Variants in NUAK2 observed in about 807,000 individuals in gnomAD.
The protein encoded by NUAK2 is NUAK family SNF1-like kinase 2.
A neutral mutation model predicts 29.8 loss-of-function variants in NUAK2; 20 were observed. The observed-to-expected ratio is 0.67, with a 90% confidence interval of 0.47 to 0.98. The LOEUF is 0.98. Among genes scored for constraint, NUAK2 ranks in the 50% least tolerant of loss-of-function variants. The pLI, the probability that NUAK2 is intolerant of heterozygous loss-of-function variation, is 0.00. For synonymous variants in NUAK2, 331 were observed against 342.6 expected (o/e 0.97, Z 0.37); for missense variants, 719 against 834.5 (o/e 0.86, Z 1.71).
At position 205,321,632 on chromosome 1, in the gene NUAK2, G is replaced by T. The variant is rs565132612; in HGVS notation, c.-4C>A. The T allele has an allele frequency of 8.7e-6, 14 of 1,607,158 alleles. No homozygotes were observed. Among genetic ancestry groups the T allele is most frequent in the Non-Finnish European group, 1.2e-5 (14 of 1,178,876 alleles). ...GCGCGAAAACCAGCGACTCCATGGCGAGCAGGAGGTGAGCAAGGGCGGCAG... is the reference window on the plus strand; with the variant it reads ...GCGCGAAAACCAGCGACTCCATGGCTAGCAGGAGGTGAGCAAGGGCGGCAG... On this transcript the variant is annotated 5_prime_UTR_variant, in exon 1 of 7. Coordinates refer to ENST00000367157, the MANE Select transcript of NUAK2 (RefSeq NM_030952.3).
At position 205,303,969 on chromosome 1, in the gene NUAK2, C is replaced by T; in HGVS notation, c.1368G>A (p.Glu456=). 1 of 1,613,938 alleles carries T rather than the reference C, an allele frequency of 6.2e-7. No individual in the cohort carries two copies. Among genetic ancestry groups the T allele is most frequent in the Non-Finnish European group, 8.5e-7 (1 of 1,179,982 alleles). The part of the protein sequence containing the change: ...KGILKKPRQR[E]SGYYSSPEPS... ...GCTCGGGAGAGGAGTAGTAGCCAGA[C>T]TCGCGCTGTCGGGGCTTCTTGAGAA... Residue 456 remains glutamate, a synonymous_variant, in exon 7 of 7, where the codon GAG becomes GAA. Transcript: ENST00000367157.
chr1:205,303,152 C>A lies in NUAK2; in HGVS notation c.*298G>T, dbSNP rs1462293612. 4.3e-6 allele frequency: 1 copy of A among 230,626 alleles called. No homozygotes were observed. The highest frequency in any genetic ancestry group is 8.5e-6 in the Non-Finnish European group (1 of 118,156). The allele number at this position is 230,626 out of a possible 1,614,324, so 14.3% of individuals were successfully genotyped here. A position where few individuals can be genotyped will look rare whatever the true frequency, so the allele number is the denominator to read the frequency against. On this transcript the variant is annotated 3_prime_UTR_variant, in exon 7 of 7. Transcript: ENST00000367157. ...CCCTGGGAGAGTTCTCTTTCCAGGT[C>A]TCTGTGGCCCCCCCATGTACACAAG... is the stretch of plus-strand genomic sequence containing the variant.
At chr1:205,307,639 G>A (rs1427273972) in intron 4 of NUAK2, among the ~76,000 whole-genome samples, 3 of 152,154 alleles carry the variant, frequency 2.0e-5, no homozygotes, top group Non-Finnish European at 4.4e-5. Flanking sequence ...ACTTCTCCAT[G>A]CCTAAATTTA....
Position 205,303,627 on chromosome 1 carries a change from G to A in NUAK2, c.1710C>T (p.Gly570=), listed in dbSNP as rs1303061839. 6.3e-7 allele frequency: 1 copy of A among 1,599,726 alleles called. No individual in the cohort carries two copies. Among genetic ancestry groups the A allele is most frequent in the East Asian group, 2.2e-5 (1 of 44,704 alleles). Residue 570 remains glycine (G), a synonymous_variant, in exon 7 of 7, where the codon GGC becomes GGT. Coordinates refer to ENST00000367157, the MANE Select transcript of NUAK2 (RefSeq NM_030952.3). Reference sequence around the variant, plus strand: ...CCGTGAGGTTGTCCACAGACACACAGCCCCGCAGTGGGGGCTCTGGGAGCC... The same window carrying A: ...CCGTGAGGTTGTCCACAGACACACAACCCCGCAGTGGGGGCTCTGGGAGCC... The part of the protein sequence containing the change: ...PERLPEPPLR[G]CVSVDNLTGL...
intron 1 of NUAK2, among the ~76,000 whole-genome samples, chr1:205,315,611 G>T (rs1445065469): frequency 6.6e-6 from 1 of 152,208 alleles, no homozygotes; most frequent in Non-Finnish European, 1.5e-5. Context: ...AGTGGCTCAT[G>T]CCTATAATCT....
rs1296652124 is a variant in NUAK2, at chr1:205,303,984, C to T, written c.1353G>A (p.Lys451=). Residue 451 remains lysine (K), a synonymous_variant, in exon 7 of 7, where the codon AAG becomes AAA. Transcript: ENST00000367157. ...AGTAGCCAGACTCGCGCTGTCGGGG[C>T]TTCTTGAGAATGCCCTTCTTGGGGA... ...PLLPKKGILK[K]PRQRESGYYS... is the part of the protein sequence containing the mutation. 1.9e-6 allele frequency: 3 copies of T among 1,613,748 alleles called. No homozygotes were observed. The highest frequency in any genetic ancestry group is 2.5e-6 in the Non-Finnish European group (3 of 1,179,912).
Position 205,321,429 on chromosome 1 carries a change from A to C in NUAK2, c.200T>G (p.Val67Gly), listed in dbSNP as rs1182213267. 1 of 1,613,644 alleles carries C rather than the reference A, an allele frequency of 6.2e-7. No individual in the cohort carries two copies. The highest frequency in any genetic ancestry group is 2.2e-5 in the East Asian group (1 of 44,862). Residue 67 changes from valine (V) to glycine (G), a missense_variant, in exon 1 of 7, where the codon GTG (valine) becomes GGG (glycine). Coordinates refer to ENST00000367157, the MANE Select transcript of NUAK2 (RefSeq NM_030952.3). The part of the protein sequence containing the change: ...ETLGKGTYGK[V>G]KKARESSGRL... Reference sequence around the variant, plus strand: ...CCCCGAGCTCTCCCGCGCCTTCTTCACCTTCCCGTAGGTGCCTTTGCCCAG... The same window carrying C: ...CCCCGAGCTCTCCCGCGCCTTCTTCCCCTTCCCGTAGGTGCCTTTGCCCAG...
At position 205,321,729 on chromosome 1, in the gene NUAK2, G is replaced by C. The variant is rs1396483583; in HGVS notation, c.-101C>G. The C allele has an allele frequency of 1.3e-5, 12 of 946,028 alleles. No homozygotes were observed. Among genetic ancestry groups the C allele is most frequent in the Non-Finnish European group, 1.9e-5 (12 of 627,886 alleles). 58.6% of individuals were successfully genotyped at this position (946,028 alleles called of 1,614,324 possible). The stretch of plus-strand genomic sequence containing the variant: ...TCCCGCACCAGGACGGGGAGCCACA[G>C]CAGTACCAGAGCGCGCAGTAAAGCA... On this transcript the variant is annotated 5_prime_UTR_variant, in exon 1 of 7. Coordinates refer to ENST00000367157, the MANE Select transcript of NUAK2 (RefSeq NM_030952.3).
chr1:205,304,388 G>A lies in NUAK2; in HGVS notation c.949C>T (p.Pro317Ser). The A allele has an allele frequency of 6.2e-7, 1 of 1,608,412 alleles. No homozygotes were observed. Residue 317 changes from proline (P) to serine (S), a missense_variant, in exon 7 of 7, where the codon CCG becomes TCG. This residue lies in a region of NUAK2 where 430 missense variants were observed against 465.7 expected (regional missense o/e 0.92). Coordinates refer to ENST00000367157, the MANE Select transcript of NUAK2 (RefSeq NM_030952.3). The surrounding 1 kb of genome is among the most constrained non-coding windows in gnomAD (Gnocchi z 6.5). ...YATRVGEQEA[P>S]HEGGHPGSDS... ...CTGCCAGGGTGCCCACCCTCATGCG[G>A]AGCCTCCTGCTCTCCCACTCGGGTG...
chr1:205,308,290 C>A lies in NUAK2; in HGVS notation c.505-60G>T. On this transcript the variant is annotated intron_variant, in intron 3 of 6. Transcript: ENST00000367157. This position sits in a 1 kb window ranked among gnomAD's most constrained non-coding sequence, Gnocchi z 4.1. ...CCAGGGAAGGGAAGATGATGAGGGG[C>A]CCAGTCTGGAGACTGAGGTAAACAC... 3.8e-6 allele frequency: 5 copies of A among 1,300,916 alleles called. No homozygotes were observed. Among genetic ancestry groups the A allele is most frequent in the Non-Finnish European group, 5.4e-6 (5 of 928,646 alleles). 80.6% of individuals were successfully genotyped at this position (1,300,916 alleles called of 1,614,324 possible).
rs140561355 is a variant in NUAK2, at chr1:205,311,815, T to C, written c.242A>G (p.Lys81Arg). The change falls in exon 2 of 7, where the codon AAG becomes AGG. Residue 81 changes from lysine (K) to arginine (R), a missense_variant. Physicochemically the swap from Lys to Arg is conservative, Grantham distance 26. Around this residue, in one of 3 missense-constraint regions of NUAK2, gnomAD observed 283 missense variants for 345.6 expected, o/e 0.82. Transcript: ENST00000367157. ...TTTGATTTTGTCCTTCCGGATTGAC[T>C]TGATGGCCACCTGGGAAGAGAAGGC... ...RESSGRLVAI[K>R]SIRKDKIKDE... is the part of the protein sequence containing the mutation. 4 of 1,613,848 alleles carry C rather than the reference T, an allele frequency of 2.5e-6. No individual in the cohort carries two copies. The South Asian group carries it at 3.3e-5, about 13-fold the overall frequency.
In NUAK2 at chr1:205,304,311, G is replaced by C. The variant is rs781718255; in HGVS notation, c.1026C>G (p.Pro342=). The change falls in exon 7 of 7, where the codon CCC becomes CCG. Residue 342 remains proline, a synonymous_variant. Coordinates refer to ENST00000367157, the MANE Select transcript of NUAK2 (RefSeq NM_030952.3). The surrounding 1 kb of genome is among the most constrained non-coding windows in gnomAD (Gnocchi z 6.5). ...ACACCTTGGCCCCATTCTCCAGGAG[G>C]GGGCGGGAGGAACGCCGGAGCCAGT... ...MADWLRRSSR[P]LLENGAKVCS... The C allele has an allele frequency of 1.9e-6, 3 of 1,610,746 alleles. No individual in the cohort carries two copies. The highest frequency in any genetic ancestry group is 2.5e-6 in the Non-Finnish European group (3 of 1,177,840).
intron 1 of NUAK2, among the ~76,000 whole-genome samples, chr1:205,320,252 G>C (rs1192918397): frequency 7.2e-6 from 1 of 138,910 alleles, no homozygotes; most frequent in Non-Finnish European, 1.6e-5. Context: ...TTTTTTGTTT[G>C]TTTCGTTTTG....
At chr1:205,318,481 T>C (rs1345945940) in intron 1 of NUAK2, among the ~76,000 whole-genome samples, 1 of 152,192 alleles carries the variant, frequency 6.6e-6, no homozygotes, top group Non-Finnish European at 1.5e-5. Context: ...TCAGCTACTC[T>C]ATCTGTCAAT....
At position 205,308,140 on chromosome 1, in the gene NUAK2, T is replaced by C. The variant is rs756198761; in HGVS notation, c.570+25A>G. 14 of 1,544,294 alleles carry C rather than the reference T, an allele frequency of 9.1e-6. No homozygotes were observed. Among genetic ancestry groups the C allele is most frequent in the Non-Finnish European group, 1.2e-5 (14 of 1,122,240 alleles). Reference sequence around the variant, plus strand: ...AAAAGCTGGGGTGGGCAAGGAGGCTTCTAGAAATAAGAAGTGGGACTCACC... The same window carrying C: ...AAAAGCTGGGGTGGGCAAGGAGGCTCCTAGAAATAAGAAGTGGGACTCACC... On this transcript the variant is annotated intron_variant, in intron 4 of 6. Transcript: ENST00000367157. The surrounding 1 kb of genome is among the most constrained non-coding windows in gnomAD (Gnocchi z 4.1).
At chr1:205,317,219 A>G (rs1030950378) in intron 1 of NUAK2, among the ~76,000 whole-genome samples, 7 of 152,126 alleles carry the variant, frequency 4.6e-5, no homozygotes, top group African/African-American at 1.7e-4. Flanking sequence ...TGGATTCAGG[A>G]GAGGATGGTA....
At chr1:205,305,901 A>G (rs996897689) in intron 5 of NUAK2, among the ~76,000 whole-genome samples, 1 of 152,102 alleles carries the variant, frequency 6.6e-6, no homozygotes, top group Non-Finnish European at 1.5e-5. Context: ...TTAAGTAAAG[A>G]TGGGGTTTCA....
chr1:205,302,401 G>C lies in NUAK2; in HGVS notation c.*1049C>G, dbSNP rs1662087720. ...AGAGCAGCTTAGAGGCAGAAGTTCTGAGTCACTGAGGTCCAAGGTGGAGTC... is the reference window on the plus strand; with the variant it reads ...AGAGCAGCTTAGAGGCAGAAGTTCTCAGTCACTGAGGTCCAAGGTGGAGTC... On this transcript the variant is annotated 3_prime_UTR_variant, in exon 7 of 7. Transcript: ENST00000367157. The C allele has an allele frequency of 6.5e-6, 1 of 152,686 alleles. No individual in the cohort carries two copies. The highest frequency in any genetic ancestry group is 2.1e-4 in the South Asian group (1 of 4,834). The allele number at this position is 152,686 out of a possible 1,614,324, so 9.5% of individuals were successfully genotyped here.
Position 205,303,589 on chromosome 1 carries a change from G to T in NUAK2, c.1748C>A (p.Pro583His), listed in dbSNP as rs1662119524. 6.2e-7 allele frequency: 1 copy of T among 1,613,070 alleles called. No homozygotes were observed. Among genetic ancestry groups the T allele is most frequent in the South Asian group, 1.1e-5 (1 of 90,966 alleles). ...GCAGCTTCCAGGGCCCTCTGAGGGGGGCTCCTCAAGCCCCGTGAGGTTGTC... is the reference window on the plus strand; with the variant it reads ...GCAGCTTCCAGGGCCCTCTGAGGGGTGCTCCTCAAGCCCCGTGAGGTTGTC... ...SVDNLTGLEE[P>H]PSEGPGSCLR... Residue 583 changes from proline to histidine, a missense_variant, in exon 7 of 7, where the codon CCC becomes CAC. By Grantham distance (77) the Pro-to-His change is moderately conservative. Around this residue, in one of 3 missense-constraint regions of NUAK2, gnomAD observed 430 missense variants for 465.7 expected, o/e 0.92. Coordinates refer to ENST00000367157, the MANE Select transcript of NUAK2 (RefSeq NM_030952.3).
Sources: allele counts gnomAD v4.1 joint callset (sites outside exome capture counted in the v4.1 genomes callset), GRCh38; gene constraint gnomAD v4.1.1; regional missense constraint gnomAD v4.1.1; non-coding constraint Gnocchi (gnomAD v3.1); transcripts MANE v1.5; gene names NCBI Gene and HGNC (gene_info 2026-07-23, HGNC 2026-07-21).